The following GTF2IRD1 variants were observed in gnomAD, a reference collection of about 807,000 sequenced individuals.
The protein encoded by GTF2IRD1 is GTF2I repeat domain containing 1.
Under a neutral mutation model 113.2 loss-of-function variants are expected in GTF2IRD1, and 26 were observed. The ratio of observed to expected loss-of-function variants is 0.23; its 90% CI spans 0.17 to 0.32. The LOEUF (loss-of-function observed/expected upper bound fraction) is 0.32, where lower values mean the gene tolerates loss of function less well. Ranked by LOEUF, GTF2IRD1 falls within the 10% of genes least tolerant of loss-of-function variation. GTF2IRD1 has a pLI of 1.00. For missense variants in GTF2IRD1, 864 were observed against 1,280.8 expected, an observed-to-expected ratio of 0.67 and a Z score of 4.97; for synonymous variants, 484 against 529.1, an observed-to-expected ratio of 0.91 and a Z score of 1.17.
In GTF2IRD1 at chr7:74,491,117, C is replaced by CCAACAT. The variant is rs564121180; in HGVS notation, c.-6-16957_-6-16952dup. On this transcript the variant is annotated intron_variant, in intron 1 of 26. Coordinates refer to ENST00000424337, the MANE Select transcript of GTF2IRD1 (RefSeq NM_005685.4). ...GGTCAGGAGTTCAAGACCATTCTGG[C>CCAACAT]CAACATGGTGAAACCCCATCTCTAC... is the stretch of plus-strand genomic sequence containing the variant. Among the ~76,000 whole-genome samples the CCAACAT allele has an allele frequency of 1.5e-3, 225 of 152,032 alleles. 1 individual carries two copies. The highest frequency in any genetic ancestry group is 5.3e-3 in the African/African-American group (219 of 41,438).
intron 2 of GTF2IRD1, among the ~76,000 whole-genome samples, chr7:74,511,110 T>G (rs1796607437): frequency 6.6e-6 from 1 of 151,958 alleles, no homozygotes; most frequent in African/African-American, 2.4e-5. Flanking sequence ...CAGAGCCTCC[T>G]TGGAGGAGCA....
chr7:74,468,698 G>T (rs1554331595), intron 1 of GTF2IRD1, among the ~76,000 whole-genome samples: 1 of 150,206 alleles, frequency 6.7e-6, no homozygotes, highest in East Asian at 2.0e-4. Context: ...GTGTGTGTGT[G>T]TGTGTGTGTG....
rs1796670073 is a variant in GTF2IRD1, at chr7:74,512,087, C to T, written c.124-743C>T. ...TGGAAACTGGCCACGCAGAGTGGCTCACGCCTGTAATCCCAGCACTTTGGG... is the reference window on the plus strand; with the variant it reads ...TGGAAACTGGCCACGCAGAGTGGCTTACGCCTGTAATCCCAGCACTTTGGG... On this transcript the variant is annotated intron_variant, in intron 2 of 26. Coordinates refer to ENST00000424337, the MANE Select transcript of GTF2IRD1 (RefSeq NM_005685.4). The surrounding 1 kb of genome is among the most constrained non-coding windows in gnomAD (Gnocchi z 4.4). Among the ~76,000 whole-genome samples the T allele has an allele frequency of 2.0e-5, 3 of 152,220 alleles. No individual in the cohort carries two copies. Among genetic ancestry groups the T allele is most frequent in the Admixed American group, 2.0e-4 (3 of 15,274 alleles).
chr7:74,586,116 T>C (rs1801700136), intron 22 of GTF2IRD1, among the ~76,000 whole-genome samples: 1 of 152,194 alleles, frequency 6.6e-6, no homozygotes, highest in Admixed American at 6.5e-5. Flanking sequence ...CAGGCCATCC[T>C]TTCTCTGTTC....
chr7:74,482,755 G>T (rs1160830213), intron 1 of GTF2IRD1, among the ~76,000 whole-genome samples: 4 of 152,200 alleles, frequency 2.6e-5, no homozygotes, highest in African/African-American at 9.6e-5. Flanking sequence ...TTACATAAAT[G>T]GAATTCTACC....
Position 74,544,818 on chromosome 7 carries a change from C to T in GTF2IRD1, c.1666+16C>T, listed in dbSNP as rs1554352796. 2 of 1,607,980 alleles carry T rather than the reference C, an allele frequency of 1.2e-6. No homozygotes were observed. Among genetic ancestry groups the T allele is most frequent in the Non-Finnish European group, 1.7e-6 (2 of 1,174,580 alleles). ...CCCGTGGAGGGTGAGGCCCTGTCTA[C>T]CCCTGACATTTTACACCCACCCCCA... On this transcript the variant is annotated intron_variant, in intron 15 of 26. Transcript: ENST00000424337.
intron 25 of GTF2IRD1, among the ~76,000 whole-genome samples, chr7:74,600,306 C>T (rs2131085434): frequency 6.6e-6 from 1 of 152,212 alleles, no homozygotes; most frequent in South Asian, 2.1e-4. Context: ...ATAGTCCCAG[C>T]TACTCGGGAA....
Position 74,558,919 on chromosome 7 carries a change from C to T in GTF2IRD1, c.2166C>T (p.Asn722=). The change falls in exon 21 of 27, where the codon AAC becomes AAT. Residue 722 remains asparagine (N), a synonymous_variant. Transcript: ENST00000424337. ...TCCCCTACAAGCGGATCAAGAGTAA[C>T]CCCGGCTCCGTGATCATCGAGGGGC... The part of the protein sequence containing the change: ...VQVPYKRIKS[N]PGSVIIEGLP... The T allele has an allele frequency of 1.2e-6, 2 of 1,614,106 alleles. No homozygotes were observed. The highest frequency in any genetic ancestry group is 1.7e-6 in the Non-Finnish European group (2 of 1,179,998).
Position 74,524,028 on chromosome 7 carries a change from T to C in GTF2IRD1, c.1007-43T>C, listed in dbSNP as rs782664170. On this transcript the variant is annotated intron_variant, in intron 7 of 26. Transcript: ENST00000424337. The stretch of plus-strand genomic sequence containing the variant: ...ATGGCCGGTGGAGGGCGTGTGACCG[T>C]CCCGTGGGGCCCTGCTCACTTGTGC... 29 of 1,406,864 alleles carry C rather than the reference T, an allele frequency of 2.1e-5. No homozygotes were observed. The Admixed American group carries it at 3.2e-4, about 16-fold the overall frequency. 87.1% of individuals were successfully genotyped at this position (1,406,864 alleles called of 1,614,324 possible). A position where few individuals can be genotyped will look rare whatever the true frequency, so the allele number is the denominator to read the frequency against.
chr7:74,509,119 G>T (rs1796471743), intron 2 of GTF2IRD1, among the ~76,000 whole-genome samples: 1 of 152,084 alleles, frequency 6.6e-6, no homozygotes, highest in Non-Finnish European at 1.5e-5. Context: ...CACTTTTAGG[G>T]GCCGAGGCGG....
intron 10 of GTF2IRD1, among the ~76,000 whole-genome samples, chr7:74,535,866 T>C (rs1798263450): frequency 6.6e-6 from 1 of 152,148 alleles, no homozygotes; most frequent in African/African-American, 2.4e-5. Context: ...TCAGCCCCCA[T>C]AGTGTGTTGG....
intron 1 of GTF2IRD1, among the ~76,000 whole-genome samples, chr7:74,467,838 C>T (rs1471852683): frequency 1.3e-5 from 2 of 152,162 alleles, no homozygotes; most frequent in South Asian, 2.1e-4. Flanking sequence ...GGATTACAGG[C>T]GCCCGCCACT....
chr7:74,542,832 G>T (rs587637692), intron 14 of GTF2IRD1, among the ~76,000 whole-genome samples: 1 of 152,344 alleles, frequency 6.6e-6, no homozygotes, highest in Non-Finnish European at 1.5e-5. Context: ...CCAGAGGCTG[G>T]GTGGCACTGC....
At chr7:74,573,641 G>C (rs1218414893) in intron 22 of GTF2IRD1, among the ~76,000 whole-genome samples, 7 of 152,226 alleles carry the variant, frequency 4.6e-5, no homozygotes, top group African/African-American at 1.7e-4. Flanking sequence ...TGATGCGTGT[G>C]TCTGAGCCAT....
At chr7:74,506,540 C>G (rs1796304100) in intron 1 of GTF2IRD1, 1 of 152,252 alleles carries the variant, frequency 6.6e-6, no homozygotes, top group Admixed American at 6.5e-5. Context: ...CAGCCCTGCT[C>G]TCTGCCATCA....
intron 1 of GTF2IRD1, 23 bp downstream of exon 1, chr7:74,454,199 G>A (rs1254075538): frequency 6.6e-6 from 1 of 151,414 alleles, no homozygotes; most frequent in African/African-American, 2.4e-5. Context: ...TTTGCGGGGG[G>A]CGGGCACCGA....
chr7:74,566,345 C>T (rs1562875815), intron 22 of GTF2IRD1, among the ~76,000 whole-genome samples: 2 of 151,306 alleles, frequency 1.3e-5, no homozygotes, highest in South Asian at 2.1e-4. Context: ...CTAACACTCA[C>T]GTCACACTTT....
At chr7:74,570,200 A>G (rs1272675446) in intron 22 of GTF2IRD1, among the ~76,000 whole-genome samples, 1 of 151,938 alleles carries the variant, frequency 6.6e-6, no homozygotes, top group Non-Finnish European at 1.5e-5. Flanking sequence ...TGTCTCCACC[A>G]AAAAATACAA....
At chr7:74,558,781 CA>C in intron 20 of GTF2IRD1, 79 bp from the exon 21 acceptor site, 1 of 1,123,812 alleles carries the variant, frequency 8.9e-7, no homozygotes. Context: ...GTCTTTCCAT[CA>C]CATCCCCGCA....
Sources: gnomAD v4.1 joint callset for allele counts (sites outside exome capture counted in the v4.1 genomes callset) on GRCh38, gnomAD v4.1.1 for gene constraint, Gnocchi (gnomAD v3.1) non-coding constraint, MANE v1.5 for transcripts, NCBI Gene and HGNC (gene_info 2026-07-23, HGNC 2026-07-21) for gene names.